Variants in IMPG2 observed in about 807,000 individuals in gnomAD.
The protein encoded by IMPG2 is interphotoreceptor matrix proteoglycan 2.
A neutral mutation model predicts 129.2 loss-of-function variants in IMPG2; 91 were observed. That is an observed-to-expected ratio of 0.70 (90% CI 0.59 to 0.84). IMPG2 has a LOEUF of 0.84. IMPG2 is among the 40% of genes least tolerant of loss of function. IMPG2 has a pLI of 0.00. For synonymous variants in IMPG2, 510 were observed against 517.7 expected, an observed-to-expected ratio of 0.99 and a Z score of 0.20; for missense variants, 1,430 against 1,461.7, an observed-to-expected ratio of 0.98 and a Z score of 0.35.
chr3:101,244,560 T>C lies in IMPG2; in HGVS notation c.1771A>G (p.Met591Val), dbSNP rs758166689. The change falls in exon 13 of 19, where the codon ATG becomes GTG. Residue 591 changes from methionine (M) to valine (V), a missense_variant. Coordinates refer to ENST00000193391, the MANE Select transcript of IMPG2 (RefSeq NM_016247.4). Reference protein sequence around the residue: ...KVSPFLPDASMEKELIFDGGL... With the variant: ...KVSPFLPDASVEKELIFDGGL... ...CCGTCAAATATTAACTCTTTTTCCA[T>C]GGATGCATCTGGCAGGAAAGGGCTC... The C allele has an allele frequency of 1.9e-6, 3 of 1,593,076 alleles. No individual in the cohort carries two copies. The highest frequency in any genetic ancestry group is 2.6e-6 in the Non-Finnish European group (3 of 1,170,304).
At position 101,226,730 on chromosome 3, in the gene IMPG2, C is replaced by G; in HGVS notation, c.*239G>C. ...CTTATAGAATACTTTCCAGAGTTTA[C>G]GTAGTTTTCAATTTATTTAAACACA... On this transcript the variant is annotated 3_prime_UTR_variant, in exon 19 of 19. Coordinates refer to ENST00000193391, the MANE Select transcript of IMPG2 (RefSeq NM_016247.4). 1 of 505,968 alleles carries G rather than the reference C, an allele frequency of 2.0e-6. No homozygotes were observed. The highest frequency in any genetic ancestry group is 3.5e-6 in the Non-Finnish European group (1 of 286,526). 31.3% of individuals were successfully genotyped at this position (505,968 alleles called of 1,614,324 possible).
Position 101,314,690 on chromosome 3 carries a change from T to C in IMPG2, c.334+4894A>G, listed in dbSNP as rs575482253. On this transcript the variant is annotated intron_variant, in intron 2 of 18. Transcript: ENST00000193391. The stretch of plus-strand genomic sequence containing the variant: ...GTGTTTTAATTATTGTGGTTAATAC[T>C]ATACCTGGTAGAATCAGTATAAATA... 3.6e-4 allele frequency among the ~76,000 whole-genome samples: 55 copies of C among 152,264 alleles called. 2 individuals are homozygous for C. In the South Asian group the frequency reaches 0.011, roughly 32 times the overall value.
At chr3:101,294,392 T>C (rs1298938558) in intron 3 of IMPG2, among the ~76,000 whole-genome samples, 2 of 152,202 alleles carry the variant, frequency 1.3e-5, no homozygotes, top group Non-Finnish European at 2.9e-5. Flanking sequence ...GGCTTCCAGC[T>C]TCATCCATGT....
chr3:101,265,997 G>T (rs139952756), intron 9 of IMPG2, among the ~76,000 whole-genome samples: 47 of 152,112 alleles, frequency 3.1e-4, no homozygotes, highest in African/African-American at 8.2e-4. Flanking sequence ...AAACCAAAAT[G>T]AAGTATCATC....
chr3:101,289,233 AG>A (rs1706979532), intron 4 of IMPG2, among the ~76,000 whole-genome samples: 1 of 152,146 alleles, frequency 6.6e-6, no homozygotes, highest in African/African-American at 2.4e-5. Flanking sequence ...TTACTAACTT[AG>A]GTTTTTGGTT....
At chr3:101,302,602 C>A (rs1707150502) in intron 3 of IMPG2, among the ~76,000 whole-genome samples, 1 of 152,122 alleles carries the variant, frequency 6.6e-6, no homozygotes, top group Admixed American at 6.5e-5. Flanking sequence ...ATGTCCATAT[C>A]TGTAAAATGG....
chr3:101,304,368 C>G, intron 2 of IMPG2, 56 bp from the exon 3 acceptor site: 2 of 1,485,780 alleles, frequency 1.3e-6, no homozygotes, highest in Non-Finnish European at 1.9e-6. Flanking sequence ...GGGGTTCTTA[C>G]AATGATCATA....
In IMPG2 at chr3:101,246,107, TG is replaced by T. The variant is rs762013280; in HGVS notation, c.1240-3del. 15 of 1,612,070 alleles carry T rather than the reference TG, an allele frequency of 9.3e-6. No homozygotes were observed. The highest frequency in any genetic ancestry group is 3.4e-5 in the Admixed American group (2 of 59,592). On this transcript the variant is annotated splice_region_variant and splice_polypyrimidine_tract_variant and intron_variant, in intron 11 of 18. Coordinates refer to ENST00000193391, the MANE Select transcript of IMPG2 (RefSeq NM_016247.4). ...CCATGCAGCTTGAAAGGTATTATCC[TG>T]GGGGGAAAAAAAGGCTAAATCATAT...
At position 101,226,667 on chromosome 3, in the gene IMPG2, A is replaced by G. The variant is rs919901182; in HGVS notation, c.*302T>C. The G allele has an allele frequency of 6.1e-5, 21 of 343,628 alleles. No homozygotes were observed. Among genetic ancestry groups the G allele is most frequent in the Non-Finnish European group, 6.3e-5 (12 of 190,378 alleles). 21.3% of individuals were successfully genotyped at this position (343,628 alleles called of 1,614,324 possible). A position where few individuals can be genotyped will look rare whatever the true frequency, so the allele number is the denominator to read the frequency against. On this transcript the variant is annotated 3_prime_UTR_variant, in exon 19 of 19. Transcript: ENST00000193391. ...GACACCCCCAGTGATTCAGAAGCAG[A>G]CAGCAACTGCAGCCCTAAATCCTAG... is the stretch of plus-strand genomic sequence containing the variant.
chr3:101,259,585 A>G (rs925097888), intron 9 of IMPG2, among the ~76,000 whole-genome samples: 1 of 150,990 alleles, frequency 6.6e-6, no homozygotes, highest in African/African-American at 2.4e-5. Context: ...AGAAATATAT[A>G]CTTGTCTGAA....
chr3:101,245,621 T>C (rs1706467598), intron 12 of IMPG2, among the ~76,000 whole-genome samples, 181 bp downstream of exon 12: 2 of 152,212 alleles, frequency 1.3e-5, no homozygotes, highest in Admixed American at 1.3e-4. Flanking sequence ...TATTTACCTA[T>C]TTGGATTCTC....
chr3:101,279,920 T>G (rs1382417904), intron 4 of IMPG2, among the ~76,000 whole-genome samples: 1 of 152,160 alleles, frequency 6.6e-6, no homozygotes, highest in African/African-American at 2.4e-5. Flanking sequence ...TAAAGAACAC[T>G]TAACAACAAG....
At chr3:101,230,935 G>C (rs369601149) in intron 16 of IMPG2, 22 bp downstream of exon 16, 12 of 1,596,802 alleles carry the variant, frequency 7.5e-6, no homozygotes, top group Admixed American at 1.7e-5. Context: ...TATTCCATTA[G>C]AGAGCTCTTT....
At chr3:101,312,025 C>CA (rs34507668) in intron 2 of IMPG2, among the ~76,000 whole-genome samples, 48,798 of 150,900 alleles carry the variant, frequency 0.32, 8,315 homozygotes, top group Non-Finnish European at 0.38. Flanking sequence ...ACATCATATA[C>CA]AAAAAAAAAT....
intron 7 of IMPG2, among the ~76,000 whole-genome samples, 200 bp from the exon 8 acceptor site, chr3:101,269,773 C>CTTTCAAGGT (rs964254372): frequency 1.3e-5 from 2 of 151,772 alleles, no homozygotes; most frequent in Non-Finnish European, 2.9e-5. Context: ...TTCATTTTGT[C>CTTTCAAGGT]TTTCAAGGTT....
chr3:101,262,931 CA>C (rs1047813202), intron 9 of IMPG2, among the ~76,000 whole-genome samples: 56 of 151,426 alleles, frequency 3.7e-4, no homozygotes, highest in African/African-American at 1.3e-3. Context: ...ACTTCAAGTC[CA>C]AAGTTGAAAA....
At chr3:101,318,704 TTCA>T (rs1254259611) in intron 2 of IMPG2, among the ~76,000 whole-genome samples, 3 of 152,132 alleles carry the variant, frequency 2.0e-5, no homozygotes, top group Middle Eastern at 3.2e-3. Context: ...TTACAATCAC[TTCA>T]TCATCTAATT....
chr3:101,238,804 G>T (rs1402008590), intron 14 of IMPG2, among the ~76,000 whole-genome samples: 1 of 152,150 alleles, frequency 6.6e-6, no homozygotes, highest in African/African-American at 2.4e-5. Context: ...TAAAGAAACT[G>T]CATCTACTAA....
chr3:101,224,603 A>T lies in IMPG2; in HGVS notation c.*2366T>A, dbSNP rs1020313948. ...CTCTTTAGGGGTAGTTTTTTCCATC[A>T]AACTAATAGCTCCTTTAGTGCTTTG... On this transcript the variant is annotated 3_prime_UTR_variant, in exon 19 of 19. Transcript: ENST00000193391. 3.9e-5 allele frequency: 6 copies of T among 152,222 alleles called. No homozygotes were observed. The highest frequency in any genetic ancestry group is 7.3e-5 in the Non-Finnish European group (5 of 68,032). The allele number at this position is 152,222 out of a possible 1,614,324, so 9.4% of individuals were successfully genotyped here.
Sources: allele counts gnomAD v4.1 joint callset (sites outside exome capture counted in the v4.1 genomes callset), GRCh38; gene constraint gnomAD v4.1.1; transcripts MANE v1.5; gene names NCBI Gene and HGNC (gene_info 2026-07-23, HGNC 2026-07-21).